The following ATP10D variants were observed in gnomAD, a reference collection of about 807,000 sequenced individuals.
ATP10D encodes the protein ATPase phospholipid transporting 10D (putative), also known as phospholipid-transporting ATPase VD.
ATP10D carries 89 observed loss-of-function variants against 144.8 expected under a neutral mutation model. The observed-to-expected ratio is 0.61, with a 90% CI of 0.52 to 0.73. The LOEUF is 0.73. Among genes scored for constraint, ATP10D ranks in the 30% least tolerant of loss-of-function variants. The pLI, the probability that ATP10D is intolerant of heterozygous loss-of-function variation, is 0.00. For missense variants in ATP10D, 1,603 were observed against 1,714.8 expected (o/e 0.93, Z 1.15); for synonymous variants, 571 against 615.1 (o/e 0.93, Z 1.06).
intron 15 of ATP10D, among the ~76,000 whole-genome samples, chr4:47,567,631 A>G (rs913945818): frequency 1.3e-5 from 2 of 152,212 alleles, no homozygotes; most frequent in African/African-American, 4.8e-5. Flanking sequence ...AAAGAGTTTT[A>G]AAAATAATTT....
intron 5 of ATP10D, among the ~76,000 whole-genome samples, chr4:47,529,596 T>C (rs1191032144): frequency 6.6e-6 from 1 of 152,206 alleles, no homozygotes; most frequent in Non-Finnish European, 1.5e-5. Flanking sequence ...CTTTTTTTGT[T>C]GTTGTTCTGG....
At chr4:47,510,546 T>C (rs1294719372) in intron 1 of ATP10D, among the ~76,000 whole-genome samples, 1 of 152,184 alleles carries the variant, frequency 6.6e-6, no homozygotes, top group Non-Finnish European at 1.5e-5. Flanking sequence ...TCTTAGGAAC[T>C]GAGTGACTTG....
intron 5 of ATP10D, among the ~76,000 whole-genome samples, chr4:47,533,130 A>G (rs1717654958): frequency 6.6e-6 from 1 of 152,076 alleles, no homozygotes; most frequent in Non-Finnish European, 1.5e-5. Flanking sequence ...AAATCTTAAT[A>G]CTTTCTGAGG....
At chr4:47,564,382 T>G (rs1719489813) in intron 15 of ATP10D, among the ~76,000 whole-genome samples, 1 of 152,086 alleles carries the variant, frequency 6.6e-6, no homozygotes, top group Non-Finnish European at 1.5e-5. Flanking sequence ...ACCAGGGATC[T>G]GACAGGACTT....
chr4:47,491,341 C>A (rs776602707), intron 1 of ATP10D: 1 of 776,668 alleles, frequency 1.3e-6, no homozygotes, highest in Non-Finnish European at 2.3e-6. Flanking sequence ...CCCTTGAAAT[C>A]TCCAATATCA....
At chr4:47,535,772 A>C (rs988612576) in intron 6 of ATP10D, 130 bp from the exon 7 acceptor site, 1 of 1,330,646 alleles carries the variant, frequency 7.5e-7, no homozygotes, top group Admixed American at 2.8e-5. Context: ...TCACAAAAGC[A>C]GATTGAACTG....
chr4:47,576,976 A>G lies in ATP10D; in HGVS notation c.3567+3A>G. ...ACAGAAGTGGTCAGAAATCAGAGGTAGGTGTTAAAGCAAGAGTGCTTGGAT... is the reference window on the plus strand; with the variant it reads ...ACAGAAGTGGTCAGAAATCAGAGGTGGGTGTTAAAGCAAGAGTGCTTGGAT... On this transcript the variant is annotated splice_donor_region_variant and intron_variant, in intron 19 of 22. Transcript: ENST00000273859. The G allele has an allele frequency of 6.2e-7, 1 of 1,613,934 alleles. No homozygotes were observed. The highest frequency in any genetic ancestry group is 8.5e-7 in the Non-Finnish European group (1 of 1,179,804).
rs1214135241 is a variant in ATP10D at position 47,580,452 on chromosome 4, C to G, written c.3622C>G (p.Leu1208Val). 1 of 1,613,430 alleles carries G rather than the reference C, an allele frequency of 6.2e-7. No homozygotes were observed. Among genetic ancestry groups the G allele is most frequent in the Non-Finnish European group, 8.5e-7 (1 of 1,179,582 alleles). The change falls in exon 20 of 23, where the codon CTG becomes GTG. Residue 1208 changes from leucine (L) to valine (V), a missense_variant. Transcript: ENST00000273859. ...CTTATTGGATGCTTTTTATCAAAGCCTGGTCTGCTTCTTTGTGCCTTATTT... is the reference window on the plus strand; with the variant it reads ...CTTATTGGATGCTTTTTATCAAAGCGTGGTCTGCTTCTTTGTGCCTTATTT... ...ITLLDAFYQS[L>V]VCFFVPYFTY... is the part of the protein sequence containing the mutation.
intron 19 of ATP10D, among the ~76,000 whole-genome samples, chr4:47,577,290 A>G (rs936771729): frequency 6.6e-6 from 1 of 152,222 alleles, no homozygotes; most frequent in African/African-American, 2.4e-5. Context: ...ATTTATCTTC[A>G]TGAAAACACG....
chr4:47,572,751 G>T, intron 17 of ATP10D, 121 bp from the exon 18 acceptor site: 1 of 1,294,128 alleles, frequency 7.7e-7, no homozygotes, highest in Non-Finnish European at 1.1e-6. Flanking sequence ...ATTCATGTAT[G>T]GAACAAATGC....
At chr4:47,495,198 G>C (rs1289984389) in intron 1 of ATP10D, among the ~76,000 whole-genome samples, 1 of 151,946 alleles carries the variant, frequency 6.6e-6, no homozygotes, top group Non-Finnish European at 1.5e-5. Flanking sequence ...GTAATTTCTG[G>C]TTTAATATTG....
chr4:47,536,899 T>C lies in ATP10D; in HGVS notation c.1357T>C (p.Cys453Arg). ...LTENKMVFRR[C>R]SVAGFDYCHE... ...TGAGAATAAGATGGTTTTTCGAAGATGTAGTGTGGCAGGATTTGATTACTG... is the reference window on the plus strand; with the variant it reads ...TGAGAATAAGATGGTTTTTCGAAGACGTAGTGTGGCAGGATTTGATTACTG... The change falls in exon 9 of 23, where the codon TGT becomes CGT. Residue 453 changes from cysteine (C) to arginine (R), a missense_variant. Coordinates refer to ENST00000273859, the MANE Select transcript of ATP10D (RefSeq NM_020453.4). The C allele has an allele frequency of 1.9e-6, 3 of 1,612,450 alleles. No homozygotes were observed. Among genetic ancestry groups the C allele is most frequent in the Non-Finnish European group, 2.5e-6 (3 of 1,179,406 alleles).
At chr4:47,548,120 G>T (rs1484672094) in intron 10 of ATP10D, among the ~76,000 whole-genome samples, 1 of 151,910 alleles carries the variant, frequency 6.6e-6, no homozygotes, top group East Asian at 1.9e-4. Flanking sequence ...GAACATGTTG[G>T]CTCTTGTTTA....
chr4:47,539,478 CT>C (rs970859839), intron 9 of ATP10D, among the ~76,000 whole-genome samples: 5 of 151,664 alleles, frequency 3.3e-5, no homozygotes, highest in African/African-American at 9.7e-5. Context: ...CTTTTGGGGT[CT>C]TTTTTTTAAC....
intron 5 of ATP10D, among the ~76,000 whole-genome samples, chr4:47,533,470 A>C (rs968119717): frequency 3.3e-5 from 5 of 152,172 alleles, no homozygotes; most frequent in African/African-American, 4.8e-5. Context: ...TGTAGTATGA[A>C]ACCTTATTTG....
intron 1 of ATP10D, among the ~76,000 whole-genome samples, chr4:47,487,843 T>C (rs1714852649): frequency 6.6e-6 from 1 of 152,130 alleles, no homozygotes; most frequent in African/African-American, 2.4e-5. Context: ...TATTATGTAT[T>C]AAAACCTGTG....
intron 16 of ATP10D, among the ~76,000 whole-genome samples, chr4:47,571,476 A>G (rs1719951319): frequency 6.6e-6 from 1 of 152,128 alleles, no homozygotes; most frequent in Admixed American, 6.6e-5. Context: ...GCTTACCTAT[A>G]AATATGGAGG....
At chr4:47,550,872 A>G (rs1437898700) in intron 10 of ATP10D, among the ~76,000 whole-genome samples, 1 of 152,002 alleles carries the variant, frequency 6.6e-6, no homozygotes, top group Non-Finnish European at 1.5e-5. Context: ...AGTGGTGGAC[A>G]GCGAGCGAAA....
At chr4:47,538,352 C>T (rs781246661) in intron 9 of ATP10D, among the ~76,000 whole-genome samples, 4 of 152,068 alleles carry the variant, frequency 2.6e-5, no homozygotes, top group South Asian at 2.1e-4. Context: ...TTGTGGCCAG[C>T]GCTGATGTTC....
Sources: gnomAD v4.1 joint callset for allele counts (sites outside exome capture counted in the v4.1 genomes callset) on GRCh38, gnomAD v4.1.1 for gene constraint, MANE v1.5 for transcripts, NCBI Gene and HGNC (gene_info 2026-07-23, HGNC 2026-07-21) for gene names.